Variants in COL6A6 observed in about 807,000 individuals in gnomAD.
COL6A6 encodes collagen type VI alpha 6 chain.
In COL6A6, 183 loss-of-function variants were observed where a neutral mutation model predicts 208.6. The observed-to-expected ratio is 0.88, with a 90% CI of 0.78 to 0.99. COL6A6 has a LOEUF of 0.99. COL6A6 is among the 50% of genes least tolerant of loss of function. The probability of loss-of-function intolerance (pLI) is 0.00; values close to 1 mark genes in which losing one functional copy is unlikely to be tolerated. For missense variants in COL6A6, 2,816 were observed against 2,815.2 expected (o/e 1.00, Z -0.01); for synonymous variants, 973 against 1,011.8 (o/e 0.96, Z 0.73).
chr3:130,654,506 G>A (rs1358069067), intron 33 of COL6A6, among the ~76,000 whole-genome samples: 1 of 152,210 alleles, frequency 6.6e-6, no homozygotes, highest in East Asian at 1.9e-4. Context: ...CTCTCCTGGT[G>A]TATAGTCAAG....
At chr3:130,659,204 C>A (rs2108448984) in intron 34 of COL6A6, among the ~76,000 whole-genome samples, 1 of 152,298 alleles carries the variant, frequency 6.6e-6, no homozygotes, top group Non-Finnish European at 1.5e-5. Flanking sequence ...TGGAAAATAG[C>A]AGAAATTCAT....
chr3:130,520,114 G>A (rs1189684947), intron 1 of COL6A6, among the ~76,000 whole-genome samples: 1 of 152,138 alleles, frequency 6.6e-6, no homozygotes, highest in African/African-American at 2.4e-5. Flanking sequence ...TAGCATTTGA[G>A]GAGACTTTTC....
intron 28 of COL6A6, 149 bp downstream of exon 28, chr3:130,635,910 G>A (rs1216958131): frequency 4.8e-6 from 3 of 625,746 alleles, no homozygotes; most frequent in Admixed American, 2.8e-5. Flanking sequence ...GAAGGGGAAT[G>A]GATAGTCATC....
chr3:130,536,575 C>T (rs990721314), intron 1 of COL6A6, among the ~76,000 whole-genome samples: 3 of 152,146 alleles, frequency 2.0e-5, no homozygotes, highest in African/African-American at 4.8e-5. Flanking sequence ...GCTAACCAAA[C>T]GTCCCTTTAA....
intron 23 of COL6A6, among the ~76,000 whole-genome samples, chr3:130,615,886 C>T (rs1017440056): frequency 1.3e-5 from 2 of 152,162 alleles, no homozygotes; most frequent in Non-Finnish European, 2.9e-5. Flanking sequence ...ACCCTTTAAT[C>T]TTGCTTTGGC....
intron 13 of COL6A6, among the ~76,000 whole-genome samples, chr3:130,591,298 C>T (rs920410657): frequency 2.0e-5 from 3 of 152,134 alleles, no homozygotes; most frequent in Non-Finnish European, 4.4e-5. Context: ...TTTGACTACC[C>T]ACCAACATTG....
chr3:130,577,022 T>C (rs2063313977), intron 8 of COL6A6, among the ~76,000 whole-genome samples: 1 of 152,190 alleles, frequency 6.6e-6, no homozygotes, highest in Admixed American at 6.5e-5. Flanking sequence ...CCTCTAATTG[T>C]ATACTGTGAT....
In COL6A6 at chr3:130,565,446, G is replaced by T. The variant is rs375204239; in HGVS notation, c.1114G>T (p.Asp372Tyr). 70 of 1,613,736 alleles carry T rather than the reference G, an allele frequency of 4.3e-5. No individual in the cohort carries two copies. Among genetic ancestry groups the T allele is most frequent in the Non-Finnish European group, 5.7e-5 (67 of 1,179,842 alleles). Reference protein sequence around the residue: ...IFTLGIEGASDTQLEKIASHP... With the variant: ...IFTLGIEGASYTQLEKIASHP... ...CACCCTGGGCATAGAGGGCGCCAGC[G>T]ACACCCAGTTGGAAAAGATAGCATC... Residue 372 changes from aspartate (D) to tyrosine (Y), a missense_variant, in exon 4 of 37, where the codon GAC (aspartate) becomes TAC (tyrosine). Asp to Tyr is a radical substitution (Grantham distance 160). Transcript: ENST00000358511.
At chr3:130,580,646 A>G (rs2063396983) in intron 8 of COL6A6, among the ~76,000 whole-genome samples, 1 of 152,232 alleles carries the variant, frequency 6.6e-6, no homozygotes, top group Admixed American at 6.5e-5. Flanking sequence ...TGCTGAAAAA[A>G]ATTAGAGTTT....
intron 36 of COL6A6, among the ~76,000 whole-genome samples, chr3:130,665,852 G>C (rs1485580018): frequency 1.3e-5 from 2 of 152,270 alleles, no homozygotes; most frequent in African/African-American, 2.4e-5. Context: ...TGGGGAACAG[G>C]CTGTTTAAAT....
chr3:130,622,221 T>TTC (rs2064746723), intron 24 of COL6A6, among the ~76,000 whole-genome samples: 1 of 144,944 alleles, frequency 6.9e-6, no homozygotes, highest in South Asian at 2.3e-4. Context: ...CTTTTTTTTT[T>TTC]TCCTTTCCTC....
In COL6A6 at chr3:130,628,112, C is replaced by T. The variant is rs1455032423; in HGVS notation, c.4992+743C>T. ...ATGAACATAATTCCAAGTGAAATCC[C>T]AACGGGAATAATGCAAGAGGCCATC... On this transcript the variant is annotated intron_variant, in intron 26 of 36. Coordinates refer to ENST00000358511, the MANE Select transcript of COL6A6 (RefSeq NM_001102608.3). 6.6e-5 allele frequency among the ~76,000 whole-genome samples: 10 copies of T among 152,024 alleles called. 2 individuals are homozygous for T. Among genetic ancestry groups the T allele is most frequent in the Admixed American group, 6.6e-4 (10 of 15,254 alleles).
chr3:130,577,529 T>C lies in COL6A6; in HGVS notation c.3547+3004T>C, dbSNP rs2063326056. On this transcript the variant is annotated intron_variant, in intron 8 of 36. Coordinates refer to ENST00000358511, the MANE Select transcript of COL6A6 (RefSeq NM_001102608.3). ...ATTCCCTAAGGAAACCACTTCCTGCTGTCACTTCCAATAACATAACCTAGT... is the reference window on the plus strand; with the variant it reads ...ATTCCCTAAGGAAACCACTTCCTGCCGTCACTTCCAATAACATAACCTAGT... Among the ~76,000 whole-genome samples, 3 of 152,228 alleles carry C rather than the reference T, an allele frequency of 2.0e-5. No homozygotes were observed. In the South Asian group the frequency reaches 6.2e-4, roughly 32 times the overall value.
At chr3:130,609,120 C>G (rs1003381007) in intron 22 of COL6A6, among the ~76,000 whole-genome samples, 156 bp downstream of exon 22, 1 of 152,166 alleles carries the variant, frequency 6.6e-6, no homozygotes, top group Non-Finnish European at 1.5e-5. Context: ...AGTTTGGACT[C>G]ATGCAGCACT....
intron 2 of COL6A6, among the ~76,000 whole-genome samples, chr3:130,561,730 G>C (rs1288181897): frequency 7.2e-6 from 1 of 138,812 alleles, no homozygotes; most frequent in East Asian, 2.2e-4. Flanking sequence ...TCGGCTCACT[G>C]CAAGCTCCGC....
chr3:130,587,585 T>C (rs1049568862), intron 11 of COL6A6, among the ~76,000 whole-genome samples: 2 of 152,266 alleles, frequency 1.3e-5, no homozygotes, highest in African/African-American at 4.8e-5. Flanking sequence ...CAAACTCAAG[T>C]GGTAAAGTGT....
chr3:130,668,224 C>A (rs1016348665), intron 36 of COL6A6, among the ~76,000 whole-genome samples: 39 of 152,152 alleles, frequency 2.6e-4, no homozygotes, highest in African/African-American at 8.9e-4. Context: ...TGCCTATAAT[C>A]CCAGCACTTT....
chr3:130,559,498 G>A (rs112833808), intron 1 of COL6A6, among the ~76,000 whole-genome samples: 16 of 152,258 alleles, frequency 1.1e-4, no homozygotes, highest in African/African-American at 3.9e-4. Context: ...CCTGGTATAG[G>A]GTGAGATAAA....
rs897707435 is a variant in COL6A6, at chr3:130,662,002, C to T, written c.6196C>T (p.Gln2066Ter). The part of the protein sequence containing the change: ...NGDAFIGHAL[Q>*]WTLDNVFLST... ...AGATGCTTTTATTGGTCATGCCTTA[C>T]AGTGGACTCTGGACAATGTATTTTT... Residue 2066 changes from glutamine (Q) to a stop codon, truncating the protein, a stop_gained, in exon 35 of 37, where the codon CAG becomes TAG. Transcript: ENST00000358511. LOFTEE classifies it high-confidence loss of function. The T allele has an allele frequency of 8.7e-6, 14 of 1,613,868 alleles. No homozygotes were observed. Among genetic ancestry groups the T allele is most frequent in the East Asian group, 6.7e-5 (3 of 44,896 alleles).
Sources: gnomAD v4.1 joint callset for allele counts (sites outside exome capture counted in the v4.1 genomes callset) on GRCh38, gnomAD v4.1.1 for gene constraint, MANE v1.5 for transcripts, NCBI Gene and HGNC (gene_info 2026-07-23, HGNC 2026-07-21) for gene names.